The following SP7 variants were observed in gnomAD, a reference collection of about 807,000 sequenced individuals.
SP7 encodes Sp7 transcription factor, also known as transcription factor Sp7.
In SP7, 13 loss-of-function variants were observed where a neutral mutation model predicts 27.9. The ratio of observed to expected loss-of-function variants is 0.47; its 90% confidence interval spans 0.30 to 0.74. The LOEUF is 0.74. SP7 is among the 30% of genes least tolerant of loss of function. The pLI is 0.06. For missense variants in SP7, 525 were observed against 558.0 expected, an observed-to-expected ratio of 0.94 and a Z score of 0.60; for synonymous variants, 219 against 226.7, an observed-to-expected ratio of 0.97 and a Z score of 0.31.
chr12:53,338,270 C>A (rs755763246), upstream of SP7, among the ~76,000 whole-genome samples: 2 of 152,318 alleles, frequency 1.3e-5, no homozygotes, highest in South Asian at 4.1e-4. Context: ...CCTGTGACCT[C>A]GCGGTCTCCC....
Position 53,328,298 on chromosome 12 carries a change from C to T in SP7, c.1144G>A (p.Gly382Ser), listed in dbSNP as rs1446541020. The T allele has an allele frequency of 1.2e-6, 2 of 1,610,728 alleles. No homozygotes were observed. The highest frequency in any genetic ancestry group is 3.3e-5 in the Admixed American group (2 of 59,762). The change falls in exon 3 of 3, where the codon GGT becomes AGT. Residue 382 changes from glycine (G) to serine (S), a missense_variant. By Grantham distance (56) the Gly-to-Ser change is moderately conservative. Coordinates refer to ENST00000536324, the MANE Select transcript of SP7 (RefSeq NM_001173467.3). This position sits in a 1 kb window ranked among gnomAD's most constrained non-coding sequence, Gnocchi z 5.1. ...HQRTHGEPGP[G>S]PPPSGPKELG... ...TCCTTGGGGCCACTGGGAGGGGGAC[C>T]CGGGCCTGGTTCTCCATGGGTGCGC...
At chr12:53,335,562 G>A (rs550499354) in intron 2 of SP7, 64 bp downstream of exon 2, 3 of 838,402 alleles carry the variant, frequency 3.6e-6, no homozygotes, top group Admixed American at 4.0e-5. Flanking sequence ...GAGGAGGTGG[G>A]TGGGCAAGGA....
intron 1 of SP7, among the ~76,000 whole-genome samples, chr12:53,342,315 C>CA (rs1944831307): frequency 6.6e-6 from 1 of 152,052 alleles, no homozygotes; most frequent in Non-Finnish European, 1.5e-5. Context: ...TGGCCTGCTG[C>CA]ATTCTTCCTC....
At position 53,344,745 on chromosome 12, in the gene SP7, C is replaced by G. The variant is rs768536216; in HGVS notation, c.-34+369G>C. Among the ~76,000 whole-genome samples, 2 of 152,100 alleles carry G rather than the reference C, an allele frequency of 1.3e-5. No homozygotes were observed. Among genetic ancestry groups the G allele is most frequent in the African/African-American group, 2.4e-5 (1 of 41,430 alleles). ...GGGCTGCTGGGAGGTCTCTTGCGGC[C>G]TAGGCCAGGCTCAGGGCCGCCGGGG... On this transcript the variant is annotated intron_variant, in intron 1 of 1. Transcript: ENST00000547755. The surrounding 1 kb of genome is among the most constrained non-coding windows in gnomAD (Gnocchi z 4.6).
intron 1 of SP7, among the ~76,000 whole-genome samples, chr12:53,343,729 G>A (rs1944841637): frequency 6.6e-6 from 1 of 152,170 alleles, no homozygotes; most frequent in South Asian, 2.1e-4. Context: ...GTGGGAAGGT[G>A]TGGCCTGCAG....
intron 2 of SP7, among the ~76,000 whole-genome samples, chr12:53,331,470 C>CAA (rs367626786): frequency 0.78 from 81,781 of 105,172 alleles, 34,525 homozygotes; most frequent in Non-Finnish European, 0.94. Flanking sequence ...GACTCCATCT[C>CAA]AAAAAAAAAA....
intron 2 of SP7, among the ~76,000 whole-genome samples, chr12:53,331,305 A>G (rs1321230719): frequency 1.3e-5 from 2 of 151,938 alleles, no homozygotes; most frequent in East Asian, 1.9e-4. Context: ...CCCCATCTCT[A>G]CTAAAAATAT....
At chr12:53,339,349 G>T (rs1230700710), upstream of SP7, among the ~76,000 whole-genome samples, 1 of 152,218 alleles carries the variant, frequency 6.6e-6, no homozygotes, top group Non-Finnish European at 1.5e-5. Context: ...GTTAGAGGGG[G>T]TTGAATCTGG....
upstream of SP7, among the ~76,000 whole-genome samples, chr12:53,339,457 G>A (rs1405396666): frequency 6.7e-6 from 1 of 149,538 alleles, no homozygotes; most frequent in Non-Finnish European, 1.5e-5. Context: ...CGGGTGCAGT[G>A]GCTCACGCCG....
chr12:53,332,715 A>G (rs1407514047), intron 2 of SP7, among the ~76,000 whole-genome samples: 1 of 152,180 alleles, frequency 6.6e-6, no homozygotes, highest in Non-Finnish European at 1.5e-5. Context: ...GCAGAGAAGA[A>G]AAGAAAGGAG....
upstream of SP7, among the ~76,000 whole-genome samples, chr12:53,340,095 T>A (rs1243434439): frequency 6.6e-6 from 1 of 152,084 alleles, no homozygotes; most frequent in Non-Finnish European, 1.5e-5. Flanking sequence ...CACACTGATA[T>A]ATACATATAC....
intron 2 of SP7, among the ~76,000 whole-genome samples, chr12:53,329,733 C>A (rs1288277216): frequency 1.3e-5 from 2 of 151,748 alleles, no homozygotes; most frequent in African/African-American, 2.4e-5. Context: ...ACAGGAGGTT[C>A]TTTTTCTTTT....
At chr12:53,342,521 A>G (rs1411445670) in intron 1 of SP7, among the ~76,000 whole-genome samples, 1 of 152,226 alleles carries the variant, frequency 6.6e-6, no homozygotes, top group Non-Finnish European at 1.5e-5. Flanking sequence ...TCTCGATAGA[A>G]TAAGTACTGG....
chr12:53,340,307 A>G (rs1403213077), upstream of SP7, among the ~76,000 whole-genome samples: 1 of 152,130 alleles, frequency 6.6e-6, no homozygotes, highest in East Asian at 1.9e-4. Flanking sequence ...ACAGCCCTGG[A>G]GATCTCTGTG....
chr12:53,344,552 T>A lies in SP7; in HGVS notation c.-34+562A>T, dbSNP rs565951379. 6.6e-4 allele frequency among the ~76,000 whole-genome samples: 100 copies of A among 152,196 alleles called. No individual in the cohort carries two copies. The highest frequency in any genetic ancestry group is 2.4e-3 in the African/African-American group (98 of 41,522). On this transcript the variant is annotated intron_variant, in intron 1 of 1. Transcript: ENST00000547755. The surrounding 1 kb of genome is among the most constrained non-coding windows in gnomAD (Gnocchi z 4.6). ...ATAGCCTCAATGGGACGCCCCCCTC[T>A]GGATTTCAAAGCGCTGTTCAATGCC... is the stretch of plus-strand genomic sequence containing the variant.
rs112148410 is a variant in SP7, at chr12:53,335,113, G to A, written c.21+513C>T. Among the ~76,000 whole-genome samples the A allele has an allele frequency of 4.7e-3, 721 of 151,878 alleles. 4 individuals carry two copies. Among genetic ancestry groups the A allele is most frequent in the African/African-American group, 0.017 (697 of 41,394 alleles). On this transcript the variant is annotated intron_variant, in intron 2 of 2. Transcript: ENST00000536324. ...TCCTCTCCTCCACACACCAGCTCAC[G>A]GGCCCAGCCCCCTCCCCACAAAACC...
Position 53,328,093 on chromosome 12 carries a change from G to C in SP7, c.*53C>G. On this transcript the variant is annotated 3_prime_UTR_variant, in exon 3 of 3. Coordinates refer to ENST00000536324, the MANE Select transcript of SP7 (RefSeq NM_001173467.3). This position sits in a 1 kb window ranked among gnomAD's most constrained non-coding sequence, Gnocchi z 5.1. ...AGTGATTGGCAAGCAGTGGTCTAGA[G>C]AGCCAAGAGAGACTGTCAGGGCAGC... 1 of 1,501,922 alleles carries C rather than the reference G, an allele frequency of 6.7e-7. No individual in the cohort carries two copies. Among genetic ancestry groups the C allele is most frequent in the Non-Finnish European group, 8.9e-7 (1 of 1,119,752 alleles). The allele number at this position is 1,501,922 out of a possible 1,614,324, so 93.0% of individuals were successfully genotyped here. A position where few individuals can be genotyped will look rare whatever the true frequency, so the allele number is the denominator to read the frequency against.
upstream of SP7, among the ~76,000 whole-genome samples, chr12:53,337,955 A>G (rs1169598655): frequency 6.6e-6 from 1 of 152,118 alleles, no homozygotes; most frequent in South Asian, 2.1e-4. Context: ...ACAGAAGACC[A>G]GATGTGTGGC....
In SP7 at chr12:53,327,745, A is replaced by T. The variant is rs1944647804; in HGVS notation, c.*401T>A. On this transcript the variant is annotated 3_prime_UTR_variant, in exon 3 of 3. Transcript: ENST00000536324. ...AAAGCAATGGTGTAAGAAGTTGGGA[A>T]GACTGAAGCCTGGAGGCTGAGGGAC... The T allele has an allele frequency of 1.5e-5, 3 of 203,294 alleles. No homozygotes were observed. Among genetic ancestry groups the T allele is most frequent in the Non-Finnish European group, 3.0e-5 (3 of 100,914 alleles). The allele number at this position is 203,294 out of a possible 1,614,324, so 12.6% of individuals were successfully genotyped here.
Sources: gnomAD v4.1 joint callset for allele counts (sites outside exome capture counted in the v4.1 genomes callset) on GRCh38, gnomAD v4.1.1 for gene constraint, Gnocchi (gnomAD v3.1) non-coding constraint, MANE v1.5 for transcripts, NCBI Gene and HGNC (gene_info 2026-07-23, HGNC 2026-07-21) for gene names.